Variants in GPATCH8 observed in about 807,000 individuals in gnomAD.
The protein encoded by GPATCH8 is G patch domain-containing protein 8.
In GPATCH8, 18 loss-of-function variants were observed where a neutral mutation model predicts 118.3. The ratio of observed to expected loss-of-function variants is 0.15; its 90% CI spans 0.11 to 0.23. The LOEUF (loss-of-function observed/expected upper bound fraction) is 0.23. Ranked by LOEUF, GPATCH8 falls within the 10% of genes least tolerant of loss-of-function variation. The pLI is 1.00. For synonymous variants in GPATCH8, 659 were observed against 684.7 expected (o/e 0.96, Z 0.59); for missense variants, 1,631 against 1,873.8 (o/e 0.87, Z 2.39).
At position 44,396,049 on chromosome 17, in the gene GPATCH8, T is replaced by C. The variant is rs779541210; in HGVS notation, c.*1519A>G. ...AGGGCATGGAAACTATGAAGCAAAA[T>C]ATCTGTAAATGTGCTCACCTCCCAA... is the stretch of plus-strand genomic sequence containing the variant. On this transcript the variant is annotated 3_prime_UTR_variant, in exon 8 of 8. Coordinates refer to ENST00000591680, the MANE Select transcript of GPATCH8 (RefSeq NM_001002909.4). 59 of 454,150 alleles carry C rather than the reference T, an allele frequency of 1.3e-4. No individual in the cohort carries two copies. Among genetic ancestry groups the C allele is most frequent in the Non-Finnish European group, 2.1e-4 (48 of 226,746 alleles). The allele number at this position is 454,150 out of a possible 1,614,324, so 28.1% of individuals were successfully genotyped here.
intron 2 of GPATCH8, among the ~76,000 whole-genome samples, chr17:44,471,595 A>C (rs1282136412): frequency 6.6e-6 from 1 of 152,214 alleles, no homozygotes; most frequent in African/African-American, 2.4e-5. Context: ...TGCTGTAGCA[A>C]AACAGTCAGC....
At chr17:44,410,765 T>C (rs2049399742) in intron 6 of GPATCH8, among the ~76,000 whole-genome samples, 1 of 152,196 alleles carries the variant, frequency 6.6e-6, no homozygotes, top group South Asian at 2.1e-4. Context: ...GGAAGGAACA[T>C]TTCCCACAGA....
At chr17:44,502,515 A>C (rs1328029090) in intron 1 of GPATCH8, among the ~76,000 whole-genome samples, 1 of 152,124 alleles carries the variant, frequency 6.6e-6, no homozygotes, top group Non-Finnish European at 1.5e-5. Context: ...TTTGGCCTTT[A>C]TTTTTTACTC....
intron 3 of GPATCH8, among the ~76,000 whole-genome samples, chr17:44,449,120 T>TA (rs1289454719): frequency 1.3e-5 from 2 of 151,750 alleles, no homozygotes; most frequent in South Asian, 4.2e-4. Flanking sequence ...TGCTAAAAAA[T>TA]ACAAAAATTA....
At chr17:44,435,980 G>C (rs2050497344) in intron 4 of GPATCH8, among the ~76,000 whole-genome samples, 1 of 127,806 alleles carries the variant, frequency 7.8e-6, no homozygotes. Flanking sequence ...AGTGAGCCGA[G>C]ACTGCGCCAT....
At chr17:44,437,836 T>C (rs1315084687) in intron 3 of GPATCH8, among the ~76,000 whole-genome samples, 3 of 151,780 alleles carry the variant, frequency 2.0e-5, no homozygotes, top group Admixed American at 1.3e-4. Flanking sequence ...TAACTACTTA[T>C]GTATCCTATT....
At chr17:44,458,085 T>C (rs1471468442) in intron 3 of GPATCH8, among the ~76,000 whole-genome samples, 2 of 148,288 alleles carry the variant, frequency 1.3e-5, no homozygotes, top group Non-Finnish European at 3.0e-5. Context: ...CGAGACTCCA[T>C]TTCAAAAAAA....
chr17:44,482,505 C>T (rs1454856094), intron 1 of GPATCH8, among the ~76,000 whole-genome samples: 2 of 137,536 alleles, frequency 1.5e-5, no homozygotes, highest in Non-Finnish European at 3.1e-5. Context: ...ATGCAGGAGG[C>T]GGAGGCTGCA....
intron 1 of GPATCH8, among the ~76,000 whole-genome samples, chr17:44,488,433 A>G (rs1024689899): frequency 1.3e-5 from 2 of 151,078 alleles, no homozygotes; most frequent in African/African-American, 4.9e-5. Flanking sequence ...CAGTGGCATG[A>G]TCTCGGCTCA....
intron 2 of GPATCH8, among the ~76,000 whole-genome samples, chr17:44,468,476 C>G (rs966092952): frequency 1.4e-5 from 2 of 147,534 alleles, no homozygotes; most frequent in Admixed American, 7.0e-5. Flanking sequence ...CATCCTTGAC[C>G]TGCAAGGCTC....
intron 1 of GPATCH8, among the ~76,000 whole-genome samples, chr17:44,491,352 G>A (rs1246665169): frequency 7.2e-5 from 11 of 152,176 alleles, no homozygotes; most frequent in South Asian, 6.2e-4. Flanking sequence ...AGCCAAGTGT[G>A]GTGGTGGTCA....
Position 44,400,652 on chromosome 17 carries a change from T to C in GPATCH8, c.1425A>G (p.Glu475=), listed in dbSNP as rs1414662075. 6.2e-7 allele frequency: 1 copy of C among 1,613,386 alleles called. No homozygotes were observed. The highest frequency in any genetic ancestry group is 2.2e-5 in the East Asian group (1 of 44,868). Residue 475 remains glutamate, a synonymous_variant, in exon 8 of 8, where the codon GAA becomes GAG. Transcript: ENST00000591680. ...TCTTTGCCTCAGCTTTGCTTCCTGG[T>C]TCTGAGGGCTCGGTCATGCTGGTTT... ...PKETSMTEPS[E]PGSKAEAKKA...
chr17:44,435,260 G>A (rs771660625), intron 4 of GPATCH8, 109 bp from the exon 5 acceptor site: 57 of 693,216 alleles, frequency 8.2e-5, no homozygotes, highest in Non-Finnish European at 1.2e-4. Context: ...AAAAAAAATT[G>A]TAATTTTGCT....
At chr17:44,497,204 T>G (rs1489091745) in intron 1 of GPATCH8, among the ~76,000 whole-genome samples, 1 of 152,228 alleles carries the variant, frequency 6.6e-6, no homozygotes, top group Non-Finnish European at 1.5e-5. Flanking sequence ...AATAAAATAC[T>G]AGAAACTAAG....
Position 44,396,940 on chromosome 17 carries a change from A to C in GPATCH8, c.*628T>G, listed in dbSNP as rs1426879590. 2.2e-6 allele frequency: 1 copy of C among 454,000 alleles called. No homozygotes were observed. Among genetic ancestry groups the C allele is most frequent in the African/African-American group, 2.0e-5 (1 of 49,988 alleles). The allele number at this position is 454,000 out of a possible 1,614,324, so 28.1% of individuals were successfully genotyped here. A position where few individuals can be genotyped will look rare whatever the true frequency, so the allele number is the denominator to read the frequency against. ...GCCTCTTCTGGGATGAGGGATACCAAGATAACAGTGCCAAATGTGTGGCTC... is the reference window on the plus strand; with the variant it reads ...GCCTCTTCTGGGATGAGGGATACCACGATAACAGTGCCAAATGTGTGGCTC... On this transcript the variant is annotated 3_prime_UTR_variant, in exon 8 of 8. Transcript: ENST00000591680.
chr17:44,440,473 G>C (rs552485646), intron 3 of GPATCH8, among the ~76,000 whole-genome samples: 1 of 152,078 alleles, frequency 6.6e-6, no homozygotes, highest in Non-Finnish European at 1.5e-5. Flanking sequence ...ACAGTAGCAC[G>C]ATCAGCTCAC....
rs1465746466 is a variant in GPATCH8 at position 44,399,748 on chromosome 17, T to C, written c.2329A>G (p.Ser777Gly). ...TTCCTCCCACCATGGTCTTGGGAGC[T>C]GCTACCACCCCCACCTTCATCCTTT... ...GKKDEGGGGSSSQDHGGRKHK... is the reference protein window; with the variant it reads ...GKKDEGGGGSGSQDHGGRKHK... The change falls in exon 8 of 8, where the codon AGC (serine) becomes GGC (glycine). Residue 777 changes from serine to glycine, a missense_variant. By Grantham distance (56) the Ser-to-Gly change is moderately conservative. This residue lies in a region of GPATCH8 where 922 missense variants were observed against 879.7 expected (regional missense o/e 1.05). Transcript: ENST00000591680. The C allele has an allele frequency of 6.2e-6, 10 of 1,613,994 alleles. No individual in the cohort carries two copies. Among genetic ancestry groups the C allele is most frequent in the Non-Finnish European group, 8.5e-6 (10 of 1,179,978 alleles).
chr17:44,441,428 A>T (rs2050684398), intron 3 of GPATCH8, among the ~76,000 whole-genome samples: 1 of 152,218 alleles, frequency 6.6e-6, no homozygotes, highest in Non-Finnish European at 1.5e-5. Context: ...CATTTACAAC[A>T]AATATTGAGT....
At chr17:44,421,847 C>T (rs1386603469) in intron 6 of GPATCH8, among the ~76,000 whole-genome samples, 1 of 151,772 alleles carries the variant, frequency 6.6e-6, no homozygotes. Flanking sequence ...GTGCCTCGAA[C>T]CCCCAAGCAG....
Sources: allele counts gnomAD v4.1 joint callset (sites outside exome capture counted in the v4.1 genomes callset), GRCh38; gene constraint gnomAD v4.1.1; regional missense constraint gnomAD v4.1.1; transcripts MANE v1.5; gene names NCBI Gene and HGNC (gene_info 2026-07-23, HGNC 2026-07-21).